The following BTG3 variants were observed in gnomAD, a reference collection of about 807,000 sequenced individuals.
BTG3 encodes protein BTG3.
BTG3 carries 4 observed loss-of-function variants against 25.8 expected under a neutral mutation model. The observed-to-expected ratio is 0.16, with a 90% CI of 0.08 to 0.36. BTG3 has a LOEUF of 0.36. Ranked by LOEUF, BTG3 falls within the 10% of genes least tolerant of loss-of-function variation. The pLI is 1.00. For missense variants in BTG3, 201 were observed against 304.9 expected (o/e 0.66, Z 2.54); for synonymous variants, 107 against 99.9 (o/e 1.07, Z -0.42).
At chr21:17,600,612 G>A (rs575373239) in intron 3 of BTG3, among the ~76,000 whole-genome samples, 5 of 152,002 alleles carry the variant, frequency 3.3e-5, no homozygotes, top group African/African-American at 9.7e-5. Context: ...CTTGAGCCCA[G>A]GAATTTGAGA....
chr21:17,611,505 C>T (rs1475315369), intron 1 of BTG3, among the ~76,000 whole-genome samples: 2 of 152,070 alleles, frequency 1.3e-5, no homozygotes, highest in African/African-American at 4.8e-5. Flanking sequence ...AATGATAGCT[C>T]GAACAGCTGA....
chr21:17,604,147 A>G, intron 3 of BTG3: 2 of 1,283,034 alleles, frequency 1.6e-6, no homozygotes, highest in South Asian at 2.6e-5. Flanking sequence ...TCACTTACAT[A>G]ATCAAAAAGG....
chr21:17,611,052 G>A (rs2061715021), intron 1 of BTG3, among the ~76,000 whole-genome samples: 2 of 152,266 alleles, frequency 1.3e-5, no homozygotes, highest in South Asian at 2.1e-4. Context: ...GCAGGCACCG[G>A]GCATGGGTCC....
chr21:17,594,059 T>G lies in BTG3; in HGVS notation c.*34A>C, dbSNP rs2061470579. On this transcript the variant is annotated 3_prime_UTR_variant, in exon 5 of 5. Coordinates refer to ENST00000348354, the MANE Select transcript of BTG3 (RefSeq NM_006806.5). The stretch of plus-strand genomic sequence containing the variant: ...TGTAGTAAGGTTTATTCTACCTTTT[T>G]CTCAACATGACACCAACACAATCAA... 6.2e-7 allele frequency: 1 copy of G among 1,600,646 alleles called. No homozygotes were observed. The highest frequency in any genetic ancestry group is 8.5e-7 in the Non-Finnish European group (1 of 1,173,050).
In BTG3 at chr21:17,604,842, C is replaced by A; in HGVS notation, c.311+18G>T. On this transcript the variant is annotated intron_variant, in intron 3 of 4. Coordinates refer to ENST00000348354, the MANE Select transcript of BTG3 (RefSeq NM_006806.5). ...TCCAGCATGGTCATCAGTTCAGCCT[C>A]TAAACTTGAGAACTCACCGACAGCA... 1.2e-6 allele frequency: 2 copies of A among 1,609,210 alleles called. No homozygotes were observed. The highest frequency in any genetic ancestry group is 1.7e-6 in the Non-Finnish European group (2 of 1,177,878).
intron 4 of BTG3, among the ~76,000 whole-genome samples, chr21:17,597,894 G>C (rs748899041): frequency 3.2e-4 from 48 of 152,140 alleles, no homozygotes; most frequent in Non-Finnish European, 6.0e-4. Flanking sequence ...CACAAACCTG[G>C]TATGTTTCAC....
At chr21:17,603,800 C>A (rs2061603025) in intron 3 of BTG3, among the ~76,000 whole-genome samples, 1 of 152,190 alleles carries the variant, frequency 6.6e-6, no homozygotes, top group Non-Finnish European at 1.5e-5. Context: ...TCAAGTATCA[C>A]CTACTCAGTA....
intron 4 of BTG3, among the ~76,000 whole-genome samples, chr21:17,595,783 C>A (rs1386633855): frequency 6.6e-6 from 1 of 151,998 alleles, no homozygotes; most frequent in African/African-American, 2.4e-5. Context: ...ATTTTCGTTT[C>A]TTTTGGTAAA....
intron 1 of BTG3, among the ~76,000 whole-genome samples, chr21:17,609,651 C>G (rs931409268): frequency 6.6e-6 from 1 of 152,174 alleles, no homozygotes; most frequent in Admixed American, 6.5e-5. Context: ...TATGACACGG[C>G]CAATTCTACT....
rs577665320 is a variant in BTG3, at chr21:17,601,031, T to C, written c.312-2207A>G. 9.2e-5 allele frequency among the ~76,000 whole-genome samples: 14 copies of C among 152,118 alleles called. No individual in the cohort carries two copies. The South Asian group carries it at 2.5e-3, about 27-fold the overall frequency. On this transcript the variant is annotated intron_variant, in intron 3 of 4. Coordinates refer to ENST00000348354, the MANE Select transcript of BTG3 (RefSeq NM_006806.5). ...ACAAAAAATTAGCCGGGCATGGTGG[T>C]GTGCGCCTGTAATCCCAGCTACTCG...
At chr21:17,599,643 C>T (rs1158720326) in intron 3 of BTG3, among the ~76,000 whole-genome samples, 1 of 152,076 alleles carries the variant, frequency 6.6e-6, no homozygotes, top group Non-Finnish European at 1.5e-5. Flanking sequence ...CCACGCCCAG[C>T]TAATTTTTGT....
intron 1 of BTG3, among the ~76,000 whole-genome samples, chr21:17,610,214 T>C (rs2061700859): frequency 6.6e-6 from 1 of 152,180 alleles, no homozygotes; most frequent in Non-Finnish European, 1.5e-5. Context: ...AGGGTTACTT[T>C]TTGAGGTGAT....
chr21:17,594,809 C>T (rs1005748365), intron 4 of BTG3, among the ~76,000 whole-genome samples: 3 of 151,530 alleles, frequency 2.0e-5, no homozygotes, highest in African/African-American at 7.3e-5. Context: ...CTTATGAACA[C>T]AAAGAAGGAA....
Position 17,608,977 on chromosome 21 carries a change from G to A in BTG3, c.168C>T (p.Ala56=), listed in dbSNP as rs1178331057. Residue 56 remains alanine (A), a synonymous_variant, in exon 2 of 5, where the codon GCC becomes GCT. Coordinates refer to ENST00000348354, the MANE Select transcript of BTG3 (RefSeq NM_006806.5). ...WYPEKPSKGQ[A]YRCIRVNKFQ... ...AATCCAATCTAATCCTTTACCTGTA[G>A]GCCTGTCCTTTCGATGGTTTTTCTG... The A allele has an allele frequency of 3.1e-6, 5 of 1,612,980 alleles. No homozygotes were observed. The highest frequency in any genetic ancestry group is 1.3e-5 in the African/African-American group (1 of 74,730).
In BTG3 at chr21:17,598,780, T is replaced by G; in HGVS notation, c.356A>C (p.Asn119Thr). 6.2e-7 allele frequency: 1 copy of G among 1,614,170 alleles called. No individual in the cohort carries two copies. Among genetic ancestry groups the G allele is most frequent in the East Asian group, 2.2e-5 (1 of 44,884 alleles). ...NNAFIVASFE[N>T]KDENKDEISR... is the part of the protein sequence containing the mutation. ...GATCTCATCCTTGTTCTCATCTTTA[T>G]TTTCAAAGCTGGCAACAATGAATGC... is the stretch of plus-strand genomic sequence containing the variant. Residue 119 changes from asparagine (N) to threonine (T), a missense_variant, in exon 4 of 5, where the codon AAT becomes ACT. By Grantham distance (65) the Asn-to-Thr change is moderately conservative (BLOSUM62 0). Transcript: ENST00000348354.
chr21:17,600,502 G>A, intron 3 of BTG3, among the ~76,000 whole-genome samples: 1 of 152,044 alleles, frequency 6.6e-6, no homozygotes, highest in Non-Finnish European at 1.5e-5. Flanking sequence ...TAAAGTAAAA[G>A]GCTTAACTGC....
chr21:17,593,889 T>C lies in BTG3; in HGVS notation c.*204A>G, dbSNP rs1569168077. The C allele has an allele frequency of 1.2e-5, 8 of 646,456 alleles. No individual in the cohort carries two copies. The East Asian group carries it at 2.5e-4, about 20-fold the overall frequency. 40.0% of individuals were successfully genotyped at this position (646,456 alleles called of 1,614,324 possible). A position where few individuals can be genotyped will look rare whatever the true frequency, so the allele number is the denominator to read the frequency against. ...AAAAACTTAGGCACTTGACTAACTTTAATAAAATTTCTCAAACTATATCAA... is the reference window on the plus strand; with the variant it reads ...AAAAACTTAGGCACTTGACTAACTTCAATAAAATTTCTCAAACTATATCAA... On this transcript the variant is annotated 3_prime_UTR_variant, in exon 5 of 5. Transcript: ENST00000348354.
At chr21:17,600,519 G>C (rs2055217082) in intron 3 of BTG3, among the ~76,000 whole-genome samples, 1 of 152,108 alleles carries the variant, frequency 6.6e-6, no homozygotes, top group African/African-American at 2.4e-5. Flanking sequence ...CTGCTATAAA[G>C]CCTTTGAAAA....
chr21:17,597,316 T>C (rs1031777246), intron 4 of BTG3, among the ~76,000 whole-genome samples: 16 of 152,022 alleles, frequency 1.1e-4, no homozygotes, highest in African/African-American at 3.4e-4. Context: ...TGAGGTAAAA[T>C]TGCCACACAT....
Sources: gnomAD v4.1 joint callset for allele counts (sites outside exome capture counted in the v4.1 genomes callset) on GRCh38, gnomAD v4.1.1 for gene constraint, MANE v1.5 for transcripts, NCBI Gene and HGNC (gene_info 2026-07-23, HGNC 2026-07-21) for gene names.